The following RTTN variants were observed in gnomAD, a reference collection of about 807,000 sequenced individuals.
The protein encoded by RTTN is rotatin.
A neutral mutation model predicts 269.2 loss-of-function variants in RTTN; 182 were observed. The observed-to-expected ratio is 0.68, with a 90% CI of 0.60 to 0.76. The LOEUF is 0.76. Among genes scored for constraint, RTTN ranks in the 30% least tolerant of loss-of-function variants. The pLI is 0.00. For synonymous variants in RTTN, 1,006 were observed against 963.5 expected, an observed-to-expected ratio of 1.04 and a Z score of -0.82; for missense variants, 2,545 against 2,608.6, an observed-to-expected ratio of 0.98 and a Z score of 0.53.
At chr18:70,064,668 G>A (rs1376547708) in intron 35 of RTTN, among the ~76,000 whole-genome samples, 13 of 152,136 alleles carry the variant, frequency 8.5e-5, no homozygotes, top group African/African-American at 2.4e-4. Flanking sequence ...TAGTGATTCC[G>A]TAGAGTGCCA....
intron 1 of RTTN, 150 bp downstream of exon 1, chr18:70,205,478 G>A: frequency 7.6e-7 from 1 of 1,323,030 alleles, no homozygotes; most frequent in Non-Finnish European, 1.1e-6. Flanking sequence ...CACAAAGTCC[G>A]AGATGGGTCC....
At chr18:70,015,361 C>T (rs1053735553) in intron 46 of RTTN, among the ~76,000 whole-genome samples, 2 of 152,122 alleles carry the variant, frequency 1.3e-5, no homozygotes, top group African/African-American at 4.8e-5. Context: ...CCATGCCAAG[C>T]CCCAGATCTA....
chr18:70,051,518 G>A lies in RTTN; in HGVS notation c.5216C>T (p.Thr1739Ile). Reference protein sequence around the residue: ...DKELISAFYHTWTHLFNLLAM... With the variant: ...DKELISAFYHIWTHLFNLLAM... Reference sequence around the variant, plus strand: ...CAGAAGATTAAATAAATGTGTCCATGTGTGATAAAAAGCTGATATTAACTC... The same window carrying A: ...CAGAAGATTAAATAAATGTGTCCATATGTGATAAAAAGCTGATATTAACTC... Residue 1739 changes from threonine (T) to isoleucine (I), a missense_variant, in exon 39 of 49, where the codon ACA becomes ATA. Thr to Ile is a moderately conservative substitution (Grantham distance 89, BLOSUM62 -1). Transcript: ENST00000640769. 1 of 1,608,828 alleles carries A rather than the reference G, an allele frequency of 6.2e-7. No individual in the cohort carries two copies. The highest frequency in any genetic ancestry group is 8.5e-7 in the Non-Finnish European group (1 of 1,175,940).
At chr18:70,177,944 A>G (rs1188978812) in intron 10 of RTTN, among the ~76,000 whole-genome samples, 4 of 152,228 alleles carry the variant, frequency 2.6e-5, no homozygotes, top group Non-Finnish European at 5.9e-5. Flanking sequence ...TATACCCAAA[A>G]GAACTGAAAG....
chr18:70,030,889 T>C lies in RTTN; in HGVS notation c.5634A>G (p.Lys1878=). 1 of 1,612,770 alleles carries C rather than the reference T, an allele frequency of 6.2e-7. No individual in the cohort carries two copies. The highest frequency in any genetic ancestry group is 8.5e-7 in the Non-Finnish European group (1 of 1,179,308). The part of the protein sequence containing the change: ...SLLAVSRRAQ[K]HALKANLIDN... ...CATGTGGCTCACCTTTCAAAGCATG[T>C]TTCTGTGCTCTTCTACTGACAGCCA... The change falls in exon 41 of 49, where the codon AAA becomes AAG. Residue 1878 remains lysine, a synonymous_variant. Coordinates refer to ENST00000640769, the MANE Select transcript of RTTN (RefSeq NM_173630.4).
chr18:70,141,595 G>A (rs1010253309), intron 19 of RTTN, among the ~76,000 whole-genome samples: 5 of 152,008 alleles, frequency 3.3e-5, no homozygotes, highest in East Asian at 3.9e-4. Flanking sequence ...GACACAGGGC[G>A]GGGAACATCA....
chr18:70,126,707 C>G (rs2059874167), intron 25 of RTTN, among the ~76,000 whole-genome samples: 1 of 152,084 alleles, frequency 6.6e-6, no homozygotes, highest in Non-Finnish European at 1.5e-5. Context: ...GTTTAACAAT[C>G]ACCTTACAAA....
intron 23 of RTTN, among the ~76,000 whole-genome samples, chr18:70,132,478 T>C (rs977573724): frequency 1.5e-5 from 2 of 131,912 alleles, no homozygotes; most frequent in African/African-American, 3.6e-5. Context: ...AGCTAAATAT[T>C]AATAATAAAA....
intron 42 of RTTN, among the ~76,000 whole-genome samples, chr18:70,029,490 G>A (rs1277491924): frequency 6.6e-6 from 1 of 152,080 alleles, no homozygotes; most frequent in Non-Finnish European, 1.5e-5. Context: ...AGAAGGCACA[G>A]GAGGAGATAA....
chr18:70,027,460 C>T (rs376547159), intron 43 of RTTN, among the ~76,000 whole-genome samples: 9 of 152,146 alleles, frequency 5.9e-5, no homozygotes, highest in African/African-American at 1.9e-4. Context: ...AGATATCACA[C>T]TTTTGTAAAT....
chr18:70,193,760 G>A (rs2061737309), intron 7 of RTTN, among the ~76,000 whole-genome samples: 1 of 152,084 alleles, frequency 6.6e-6, no homozygotes, highest in Non-Finnish European at 1.5e-5. Context: ...CTCCAAGAAT[G>A]GCTACCTCAT....
intron 11 of RTTN, among the ~76,000 whole-genome samples, chr18:70,172,517 T>G (rs888804368): frequency 6.6e-5 from 10 of 152,214 alleles, no homozygotes; most frequent in African/African-American, 1.9e-4. Context: ...TTAAAGTACT[T>G]AGTCAATTAA....
At chr18:70,059,802 T>C in intron 36 of RTTN, 48 bp downstream of exon 36, 1 of 1,280,826 alleles carries the variant, frequency 7.8e-7, no homozygotes, top group Non-Finnish European at 1.1e-6. Flanking sequence ...ACAGTTTGTG[T>C]AAATTTATCT....
chr18:70,096,003 T>G (rs1035415622), intron 28 of RTTN, among the ~76,000 whole-genome samples: 2 of 152,188 alleles, frequency 1.3e-5, no homozygotes, highest in South Asian at 2.1e-4. Context: ...CTTTTGTTTT[T>G]TTTTTTTCTC....
chr18:70,110,027 C>G (rs1330936171), intron 27 of RTTN, among the ~76,000 whole-genome samples: 1 of 151,946 alleles, frequency 6.6e-6, no homozygotes, highest in Non-Finnish European at 1.5e-5. Context: ...CAACACAACA[C>G]AGTGAGACCT....
chr18:70,191,625 G>A lies in RTTN; in HGVS notation c.1008-906C>T, dbSNP rs543645925. On this transcript the variant is annotated intron_variant, in intron 8 of 48. Coordinates refer to ENST00000640769, the MANE Select transcript of RTTN (RefSeq NM_173630.4). ...CTCGGATGTAAAGTGCTGGAGTAAG[G>A]ATTTAAAAAGTGTAGAAAGGCTAGA... 9.2e-5 allele frequency among the ~76,000 whole-genome samples: 14 copies of A among 152,288 alleles called. No homozygotes were observed. In the East Asian group the frequency reaches 2.7e-3, roughly 29 times the overall value.
intron 40 of RTTN, among the ~76,000 whole-genome samples, chr18:70,033,789 T>C (rs921504617): frequency 7.2e-5 from 11 of 151,794 alleles, no homozygotes; most frequent in African/African-American, 1.9e-4. Context: ...AGCCAGTTTT[T>C]TGAAAAAAAT....
chr18:70,105,455 C>T (rs1246471375), intron 28 of RTTN, among the ~76,000 whole-genome samples: 4 of 152,210 alleles, frequency 2.6e-5, no homozygotes, highest in Non-Finnish European at 4.4e-5. Flanking sequence ...CTGGGTGAGG[C>T]GATGCCCCGC....
At chr18:70,107,830 C>A (rs2059361638) in intron 28 of RTTN, among the ~76,000 whole-genome samples, 1 of 152,124 alleles carries the variant, frequency 6.6e-6, no homozygotes, top group African/African-American at 2.4e-5. Context: ...ACAGATTCAG[C>A]AGACATTAAA....
Sources: gnomAD v4.1 joint callset for allele counts (sites outside exome capture counted in the v4.1 genomes callset) on GRCh38, gnomAD v4.1.1 for gene constraint, MANE v1.5 for transcripts, NCBI Gene and HGNC (gene_info 2026-07-23, HGNC 2026-07-21) for gene names.